Variants in FA2H observed in about 807,000 individuals in gnomAD.
The protein encoded by FA2H is fatty acid alpha-hydroxylase.
Under a neutral mutation model 44.9 loss-of-function variants are expected in FA2H, and 22 were observed. That is an observed-to-expected ratio of 0.49 (90% CI 0.35 to 0.70). The LOEUF is 0.70. Ranked by LOEUF, FA2H falls within the 30% of genes least tolerant of loss-of-function variation. The probability of loss-of-function intolerance (pLI) is 0.01; values close to 1 mark genes in which losing one functional copy is unlikely to be tolerated. For missense variants in FA2H, 501 were observed against 504.9 expected (o/e 0.99, Z 0.07); for synonymous variants, 243 against 213.2 (o/e 1.14, Z -1.22).
chr16:74,725,731 T>C (rs1961938462), intron 4 of FA2H, among the ~76,000 whole-genome samples: 1 of 152,194 alleles, frequency 6.6e-6, no homozygotes, highest in East Asian at 1.9e-4. Flanking sequence ...GGGCCATTAC[T>C]CCCAGTCTGG....
intron 2 of FA2H, among the ~76,000 whole-genome samples, chr16:74,731,280 G>A (rs998889717): frequency 6.9e-6 from 1 of 143,994 alleles, no homozygotes; most frequent in South Asian, 2.2e-4. Context: ...GATTATAGGC[G>A]CCCACCACCA....
intron 1 of FA2H, among the ~76,000 whole-genome samples, chr16:74,766,442 T>C (rs1002642033): frequency 2.0e-4 from 31 of 152,292 alleles, no homozygotes; most frequent in Middle Eastern, 6.8e-3. Context: ...GGATTCAAGC[T>C]GGACTTAAGG....
intron 1 of FA2H, among the ~76,000 whole-genome samples, chr16:74,761,245 G>T (rs963903415): frequency 4.5e-4 from 69 of 152,312 alleles, no homozygotes; most frequent in African/African-American, 1.6e-3. Context: ...CTGAGGTCAG[G>T]AGTTCGAGAC....
At chr16:74,733,772 T>C (rs1302625846) in intron 2 of FA2H, among the ~76,000 whole-genome samples, 1 of 152,204 alleles carries the variant, frequency 6.6e-6, no homozygotes, top group Admixed American at 6.5e-5. Flanking sequence ...AACAATTGCC[T>C]TAGCTCATTG....
At chr16:74,740,176 G>A (rs1003270800) in intron 1 of FA2H, 61 bp from the exon 2 acceptor site, 27 of 1,384,372 alleles carry the variant, frequency 2.0e-5, no homozygotes, top group African/African-American at 7.1e-5. Flanking sequence ...GCAGAGCCCC[G>A]AGCTGCCCCG....
chr16:74,740,159 G>T, intron 1 of FA2H, 44 bp from the exon 2 acceptor site: 1 of 1,505,168 alleles, frequency 6.6e-7, no homozygotes, highest in Non-Finnish European at 9.2e-7. Context: ...GTGGGTGAGG[G>T]AAGAGGGCAG....
intron 1 of FA2H, among the ~76,000 whole-genome samples, chr16:74,748,841 C>T (rs1477440536): frequency 3.3e-5 from 5 of 152,198 alleles, no homozygotes. Flanking sequence ...CACCGCGGGA[C>T]GGACAGATGG....
At chr16:74,758,282 G>A (rs576729028) in intron 1 of FA2H, among the ~76,000 whole-genome samples, 5 of 151,582 alleles carry the variant, frequency 3.3e-5, no homozygotes, top group East Asian at 3.9e-4. Flanking sequence ...CACCACACCC[G>A]GCTAATTTTT....
chr16:74,720,180 CTTTTTTTTTTTTTTTTTTTT>C (rs56341013), intron 4 of FA2H, among the ~76,000 whole-genome samples: 2 of 47,200 alleles, frequency 4.2e-5, no homozygotes, highest in Admixed American at 6.9e-4. Context: ...CATCCTCATC[CTTTTTTTTTTTTTTTTTTTT>C]TTTTTTTTTT....
At chr16:74,766,639 C>T (rs935238369) in intron 1 of FA2H, among the ~76,000 whole-genome samples, 1 of 145,134 alleles carries the variant, frequency 6.9e-6, no homozygotes, top group Non-Finnish European at 1.5e-5. Flanking sequence ...AGAAGGAAAA[C>T]TAAGGGGGGG....
At chr16:74,750,765 G>GTC (rs1962512582) in intron 1 of FA2H, among the ~76,000 whole-genome samples, 1 of 147,596 alleles carries the variant, frequency 6.8e-6, no homozygotes, top group Non-Finnish European at 1.5e-5. Flanking sequence ...TTTTCACTGT[G>GTC]TGTGTGTGTG....
chr16:74,766,944 G>A (rs1289263921), intron 1 of FA2H, among the ~76,000 whole-genome samples: 2 of 152,032 alleles, frequency 1.3e-5, no homozygotes, highest in Non-Finnish European at 2.9e-5. Flanking sequence ...GGAGGCAGGA[G>A]CCTGTGCTAG....
chr16:74,766,476 A>C (rs536324989), intron 1 of FA2H, among the ~76,000 whole-genome samples: 100 of 152,320 alleles, frequency 6.6e-4, no homozygotes, highest in African/African-American at 2.0e-3. Flanking sequence ...GGAGCCATTG[A>C]ATACTTAGGA....
chr16:74,768,072 C>T (rs1048115266), intron 1 of FA2H, among the ~76,000 whole-genome samples: 6 of 152,054 alleles, frequency 3.9e-5, no homozygotes, highest in African/African-American at 1.5e-4. Flanking sequence ...ATGAAGACTA[C>T]ATACAGACCA....
chr16:74,724,658 G>A (rs963878814), intron 4 of FA2H, among the ~76,000 whole-genome samples: 5 of 152,166 alleles, frequency 3.3e-5, no homozygotes, highest in South Asian at 4.1e-4. Context: ...ACGTGGAGAC[G>A]TTATCTCTCA....
chr16:74,768,014 T>C (rs1281970559), intron 1 of FA2H, among the ~76,000 whole-genome samples: 1 of 152,084 alleles, frequency 6.6e-6, no homozygotes, highest in Non-Finnish European at 1.5e-5. Flanking sequence ...GTTTCTGTGA[T>C]GTGGTGGGTT....
At chr16:74,746,210 T>C (rs1008412935) in intron 1 of FA2H, among the ~76,000 whole-genome samples, 5 of 152,022 alleles carry the variant, frequency 3.3e-5, no homozygotes, top group African/African-American at 1.2e-4. Flanking sequence ...GTCCAAGTCA[T>C]AGGAGGATGG....
At chr16:74,733,677 G>A (rs1205226134) in intron 2 of FA2H, among the ~76,000 whole-genome samples, 1 of 152,198 alleles carries the variant, frequency 6.6e-6, no homozygotes, top group Non-Finnish European at 1.5e-5. Context: ...TTTTGAGATG[G>A]GAGGACAGCA....
intron 1 of FA2H, among the ~76,000 whole-genome samples, chr16:74,770,559 C>T (rs915944214): frequency 5.9e-5 from 9 of 152,052 alleles, no homozygotes; most frequent in South Asian, 4.2e-4. Flanking sequence ...TTTGTAGAGA[C>T]GGGGTTTCAC....
Sources: allele counts gnomAD v4.1 joint callset (sites outside exome capture counted in the v4.1 genomes callset), GRCh38; gene constraint gnomAD v4.1.1; transcripts MANE v1.5; gene names NCBI Gene and HGNC (gene_info 2026-07-23, HGNC 2026-07-21).